TAF3: variants seen among roughly 807,000 people sequenced by gnomAD.
The protein encoded by TAF3 is TATA-box binding protein associated factor 3.
A neutral mutation model predicts 80.6 loss-of-function variants in TAF3; 7 were observed. The observed-to-expected ratio is 0.09, with a 90% CI of 0.05 to 0.16. The LOEUF (loss-of-function observed/expected upper bound fraction) is 0.16, where lower values mean the gene tolerates loss of function less well. Among genes scored for constraint, TAF3 ranks in the 10% least tolerant of loss-of-function variants. TAF3 has a pLI of 1.00. For missense variants in TAF3, 921 were observed against 1,140.2 expected, an observed-to-expected ratio of 0.81 and a Z score of 2.77; for synonymous variants, 444 against 446.1, an observed-to-expected ratio of 1.00 and a Z score of 0.06.
At chr10:7,897,883 A>G (rs931412988) in intron 2 of TAF3, among the ~76,000 whole-genome samples, 1 of 151,866 alleles carries the variant, frequency 6.6e-6, no homozygotes, top group East Asian at 1.9e-4. Flanking sequence ...CTGGTTTTCA[A>G]CTGCAGGGCC....
At chr10:7,922,438 A>G (rs542627407) in intron 2 of TAF3, among the ~76,000 whole-genome samples, 237 of 152,218 alleles carry the variant, frequency 1.6e-3, no homozygotes, top group African/African-American at 5.4e-3. Context: ...TAAAACATAG[A>G]TGATTATCAA....
intron 2 of TAF3, among the ~76,000 whole-genome samples, chr10:7,856,858 CAAAA>C (rs57207229): frequency 2.7e-4 from 25 of 91,136 alleles, no homozygotes; most frequent in Middle Eastern, 5.6e-3. Context: ...AGCTGGTTCT[CAAAA>C]AAAAAAAAAA....
chr10:8,006,731 TG>T (rs977299586), intron 4 of TAF3, among the ~76,000 whole-genome samples: 7 of 152,224 alleles, frequency 4.6e-5, no homozygotes, highest in Non-Finnish European at 7.3e-5. Flanking sequence ...CAGTGCCTTT[TG>T]GTGAAAGTGG....
Position 7,963,936 on chromosome 10 carries a change from G to C in TAF3, c.426G>C (p.Gln142His). The C allele has an allele frequency of 6.3e-7, 1 of 1,588,382 alleles. No homozygotes were observed. The highest frequency in any genetic ancestry group is 1.2e-5 in the South Asian group (1 of 85,164). ...CTTTACCAGAAGAAGAAGAAGAGCA[G>C]GTGCCCACTGATGGAGGCACATCAG... Reference protein sequence around the residue: ...VSSQEEEEEEQVPTDGGTSAE... With the variant: ...VSSQEEEEEEHVPTDGGTSAE... The change falls in exon 3 of 7, where the codon CAG becomes CAC. Residue 142 changes from glutamine (Q) to histidine (H), a missense_variant. By Grantham distance (24) the Gln-to-His change is conservative. This residue lies in a region of TAF3 where 106 missense variants were observed against 191.8 expected (regional missense o/e 0.55). Transcript: ENST00000344293.
intron 2 of TAF3, among the ~76,000 whole-genome samples, chr10:7,935,453 G>C (rs566760525): frequency 1.3e-5 from 2 of 151,802 alleles, no homozygotes; most frequent in Non-Finnish European, 2.9e-5. Context: ...GCGTGGTGGC[G>C]GGCGCCTGTA....
chr10:7,866,611 T>C (rs1012892740), intron 2 of TAF3, among the ~76,000 whole-genome samples: 1 of 152,140 alleles, frequency 6.6e-6, no homozygotes, highest in African/African-American at 2.4e-5. Context: ...GAAGCAGAGG[T>C]CAGTGCTTAT....
intron 4 of TAF3, among the ~76,000 whole-genome samples, chr10:8,006,282 G>A (rs1831992870): frequency 6.6e-6 from 1 of 151,726 alleles, no homozygotes; most frequent in Non-Finnish European, 1.5e-5. Flanking sequence ...AGGCTAAGGC[G>A]GGAGAATCAC....
At chr10:7,863,650 C>CACACACACATATATGTAT (rs1837173835) in intron 2 of TAF3, among the ~76,000 whole-genome samples, 1 of 93,682 alleles carries the variant, frequency 1.1e-5, no homozygotes, top group Non-Finnish European at 2.1e-5. Flanking sequence ...TATATATACA[C>CACACACACATATATGTAT]ACACACATAT....
intron 3 of TAF3, among the ~76,000 whole-genome samples, chr10:7,968,632 A>C (rs1831594725): frequency 6.6e-6 from 1 of 152,198 alleles, no homozygotes; most frequent in South Asian, 2.1e-4. Flanking sequence ...CCTTACCACA[A>C]CCCTCTAAGA....
At chr10:7,978,902 A>G (rs1831697649) in intron 4 of TAF3, among the ~76,000 whole-genome samples, 1 of 152,190 alleles carries the variant, frequency 6.6e-6, no homozygotes, top group African/African-American at 2.4e-5. Context: ...AAAGCCAGGT[A>G]TGGTAGGCCA....
At chr10:7,975,189 A>T in intron 3 of TAF3, 2 of 202,768 alleles carry the variant, frequency 9.9e-6, no homozygotes, top group South Asian at 1.2e-4. Context: ...CAGGAGACAG[A>T]TGCTAGTGTA....
rs535355705 is a variant in TAF3 at position 7,909,463 on chromosome 10, G to A, written c.410-54457G>A. 5.3e-5 allele frequency among the ~76,000 whole-genome samples: 8 copies of A among 152,280 alleles called. No homozygotes were observed. The South Asian group carries it at 6.2e-4, about 12-fold the overall frequency. On this transcript the variant is annotated intron_variant, in intron 2 of 6. Transcript: ENST00000344293. ...CTTGATTCTACCAGAAGCTTCCTTG[G>A]ACTTCACTGTGCCATTGGATAAACT...
chr10:7,872,938 A>C (rs1434365964), intron 2 of TAF3, among the ~76,000 whole-genome samples: 1 of 152,166 alleles, frequency 6.6e-6, no homozygotes, highest in Non-Finnish European at 1.5e-5. Context: ...CCAAGCCTGA[A>C]TTTTGAGTTG....
chr10:7,970,713 A>G (rs1458440461), intron 3 of TAF3, among the ~76,000 whole-genome samples: 1 of 152,262 alleles, frequency 6.6e-6, no homozygotes, highest in Non-Finnish European at 1.5e-5. Flanking sequence ...GACTTTAGCA[A>G]TCAGAACAAT....
intron 2 of TAF3, among the ~76,000 whole-genome samples, chr10:7,946,526 C>T (rs946587834): frequency 6.6e-6 from 1 of 152,212 alleles, no homozygotes; most frequent in African/African-American, 2.4e-5. Context: ...AAGTTTGAGA[C>T]CAGCCTGGGC....
rs76425674 is a variant in TAF3, at chr10:7,906,940, G to T, written c.410-56980G>T. On this transcript the variant is annotated intron_variant, in intron 2 of 6. Transcript: ENST00000344293. Reference sequence around the variant, plus strand: ...CTCTTGACATTCCTAACCTAACAGCGTGATTCTTATCTAAGACTTTGCATG... The same window carrying T: ...CTCTTGACATTCCTAACCTAACAGCTTGATTCTTATCTAAGACTTTGCATG... Among the ~76,000 whole-genome samples, 733 of 151,820 alleles carry T rather than the reference G, an allele frequency of 4.8e-3. 22 individuals carry two copies. In the East Asian group the frequency reaches 0.08, roughly 17 times the overall value.
chr10:7,922,592 T>C (rs1234272421), intron 2 of TAF3, among the ~76,000 whole-genome samples: 4 of 152,096 alleles, frequency 2.6e-5, no homozygotes, highest in African/African-American at 9.6e-5. Flanking sequence ...TTGAGATGAC[T>C]GCCTGGTGAC....
At chr10:7,928,146 G>C (rs1837833623) in intron 2 of TAF3, among the ~76,000 whole-genome samples, 1 of 152,148 alleles carries the variant, frequency 6.6e-6, no homozygotes, top group African/African-American at 2.4e-5. Context: ...CACTGATTTA[G>C]AGACCTTTGA....
At chr10:7,834,422 T>C (rs1458240986) in intron 2 of TAF3, among the ~76,000 whole-genome samples, 1 of 152,142 alleles carries the variant, frequency 6.6e-6, no homozygotes, top group Non-Finnish European at 1.5e-5. Context: ...TGCATATGGA[T>C]ATCCAGTTGT....
Sources: allele counts gnomAD v4.1 joint callset (sites outside exome capture counted in the v4.1 genomes callset), GRCh38; gene constraint gnomAD v4.1.1; regional missense constraint gnomAD v4.1.1; transcripts MANE v1.5; gene names NCBI Gene and HGNC (gene_info 2026-07-23, HGNC 2026-07-21).